Variants in DHRS2 observed in about 807,000 individuals in gnomAD.
DHRS2 encodes the protein dehydrogenase/reductase SDR family member 2, mitochondrial.
Under a neutral mutation model 26.3 loss-of-function variants are expected in DHRS2, and 29 were observed. The observed-to-expected ratio is 1.10, with a 90% CI of 0.82 to 1.50. The LOEUF is 1.50. Ranked by LOEUF, DHRS2 falls within the 40% of genes most tolerant of loss-of-function variation. The pLI is 0.00. For missense variants in DHRS2, 439 were observed against 367.1 expected, an observed-to-expected ratio of 1.20 and a Z score of -1.60; for synonymous variants, 164 against 151.3, an observed-to-expected ratio of 1.08 and a Z score of -0.62.
chr14:23,645,367 TG>T lies in DHRS2; in HGVS notation c.*119del. The T allele has an allele frequency of 6.3e-7, 1 of 1,590,730 alleles. No homozygotes were observed. The highest frequency in any genetic ancestry group is 8.5e-7 in the Non-Finnish European group (1 of 1,171,746). On this transcript the variant is annotated 3_prime_UTR_variant, in exon 9 of 9. Transcript: ENST00000250383. ...CTGCCATTCTGCCAGACTAGCAATT[TG>T]GGGGCTTACTCATGCTAGGCTTGAG...
intron 4 of DHRS2, chr14:23,641,183 A>G (rs1283202166): frequency 6.2e-6 from 1 of 160,542 alleles, no homozygotes; most frequent in Admixed American, 5.9e-5. Flanking sequence ...TTTAGAATTT[A>G]CCAGATGCTC....
At chr14:23,639,722 T>A in intron 3 of DHRS2, 72 bp from the exon 4 acceptor site, 2 of 1,468,688 alleles carry the variant, frequency 1.4e-6, no homozygotes, top group Non-Finnish European at 1.8e-6. Flanking sequence ...GAAGGCCTTA[T>A]GACCTGGGCT....
Position 23,639,874 on chromosome 14 carries a change from C to T in DHRS2, c.399C>T (p.Thr133=). Residue 133 remains threonine (T), a synonymous_variant, in exon 4 of 9, where the codon ACC becomes ACT. Coordinates refer to ENST00000250383, the MANE Select transcript of DHRS2 (RefSeq NM_005794.4). ...CTCTGGTAGGGAGCACTCTGGGGAC[C>T]AGTGAGCAGATCTGGGACAAGGTGA... ...VNPLVGSTLG[T]SEQIWDKILS... 3.1e-6 allele frequency: 5 copies of T among 1,607,028 alleles called. No homozygotes were observed. The highest frequency in any genetic ancestry group is 4.2e-6 in the Non-Finnish European group (5 of 1,176,530).
chr14:23,644,281 T>C, intron 6 of DHRS2, 119 bp downstream of exon 6: 1 of 1,556,240 alleles, frequency 6.4e-7, no homozygotes, highest in Non-Finnish European at 8.8e-7. Context: ...CCTGCTGCCC[T>C]GGGCTGAGCT....
rs776486354 is a variant in DHRS2 at position 23,643,217 on chromosome 14, C to G, written c.486C>G (p.Asn162Lys). Residue 162 changes from asparagine to lysine, a missense_variant and splice_region_variant, in exon 5 of 9, where the codon AAC (asparagine) becomes AAG (lysine). Coordinates refer to ENST00000250383, the MANE Select transcript of DHRS2 (RefSeq NM_005794.4). ...GCCAGTTGCTGCCCTACATGGAGAA[C>G]AGGTATGGCAGGGCGGGGGTGGGGA... The part of the protein sequence containing the change: ...LLSQLLPYME[N>K]RRGAVILVSS... The G allele has an allele frequency of 2.5e-6, 4 of 1,613,904 alleles. No homozygotes were observed. The South Asian group carries it at 4.4e-5, about 18-fold the overall frequency.
chr14:23,644,238 G>C (rs1412361471), intron 6 of DHRS2, 76 bp downstream of exon 6: 1 of 1,583,474 alleles, frequency 6.3e-7, no homozygotes, highest in African/African-American at 1.3e-5. Flanking sequence ...GAGCCTTACA[G>C]ACAAAGTGCC....
chr14:23,644,548 G>A lies in DHRS2; in HGVS notation c.675+5G>A, dbSNP rs763470602. On this transcript the variant is annotated splice_donor_5th_base_variant and intron_variant, in intron 7 of 8. Transcript: ENST00000250383. ...AAAACTGACTTCAGCAAAGTGGTGAGGATTGGGTGTGTCTTCCATCTCCCA... is the reference window on the plus strand; with the variant it reads ...AAAACTGACTTCAGCAAAGTGGTGAAGATTGGGTGTGTCTTCCATCTCCCA... The A allele has an allele frequency of 2.5e-6, 4 of 1,614,114 alleles. No homozygotes were observed. The highest frequency in any genetic ancestry group is 3.4e-6 in the Non-Finnish European group (4 of 1,180,058).
chr14:23,641,967 G>A, intron 4 of DHRS2: 1 of 1,139,960 alleles, frequency 8.8e-7, no homozygotes, highest in South Asian at 1.9e-5. Context: ...ACCTGGCACT[G>A]CCCTAGCTCC....
At position 23,638,838 on chromosome 14, in the gene DHRS2, C is replaced by T. The variant is rs1332142924; in HGVS notation, c.-27C>T. On this transcript the variant is annotated 5_prime_UTR_variant, in exon 2 of 9. Transcript: ENST00000250383. ...ATTCTTTCCCCCAGGCCTGATTCAGCAGGAAGCATCTCAGACACCAACCAC... is the reference window on the plus strand; with the variant it reads ...ATTCTTTCCCCCAGGCCTGATTCAGTAGGAAGCATCTCAGACACCAACCAC... 1.2e-6 allele frequency: 2 copies of T among 1,607,190 alleles called. No individual in the cohort carries two copies. The highest frequency in any genetic ancestry group is 1.3e-5 in the African/African-American group (1 of 74,844).
intron 4 of DHRS2, chr14:23,641,525 A>G: frequency 9.0e-7 from 1 of 1,106,258 alleles, no homozygotes; most frequent in Non-Finnish European, 1.2e-6. Context: ...TTTGTTCCTG[A>G]GTCCAGGAGG....
chr14:23,639,373 T>C lies in DHRS2; in HGVS notation c.318+17T>C. 6.4e-7 allele frequency: 1 copy of C among 1,554,530 alleles called. No homozygotes were observed. The highest frequency in any genetic ancestry group is 8.7e-7 in the Non-Finnish European group (1 of 1,152,704). Reference sequence around the variant, plus strand: ...GTGGCCAAGGTGAGGGGGCAGGCGGTGGAAGGACACAGAGAGGGGAACATG... The same window carrying C: ...GTGGCCAAGGTGAGGGGGCAGGCGGCGGAAGGACACAGAGAGGGGAACATG... On this transcript the variant is annotated intron_variant, in intron 3 of 8. Transcript: ENST00000250383.
Position 23,638,975 on chromosome 14 carries a change from G to A in DHRS2, c.111G>A (p.Arg37=). ...GIDRKGVLAN[R]VAVVTGSTSG... is the part of the protein sequence containing the mutation. The stretch of plus-strand genomic sequence containing the variant: ...ACAGGAAGGGCGTCCTGGCTAACCG[G>A]GTAGCCGTGGTCACGGGGTCCACCA... Residue 37 remains arginine, a synonymous_variant, in exon 2 of 9, where the codon CGG becomes CGA. Coordinates refer to ENST00000250383, the MANE Select transcript of DHRS2 (RefSeq NM_005794.4). The A allele has an allele frequency of 1.2e-6, 2 of 1,613,742 alleles. No individual in the cohort carries two copies.
Position 23,643,177 on chromosome 14 carries a change from C to A in DHRS2, c.446C>A (p.Pro149Gln), listed in dbSNP as rs750006582. Residue 149 changes from proline (P) to glutamine (Q), a missense_variant, in exon 5 of 9, where the codon CCA becomes CAA. By Grantham distance (76) the Pro-to-Gln change is moderately conservative. Transcript: ENST00000250383. ...DKILSVNVKS[P>Q]ALLLSQLLPY... is the part of the protein sequence containing the mutation. ...ATCCTAAGTGTGAACGTGAAGTCCC[C>A]AGCCCTGCTGCTGAGCCAGTTGCTG... 1.2e-6 allele frequency: 2 copies of A among 1,614,090 alleles called. No homozygotes were observed. Among genetic ancestry groups the A allele is most frequent in the Admixed American group, 3.3e-5 (2 of 60,022 alleles).
chr14:23,637,166 G>C (rs757794135), intron 1 of DHRS2, among the ~76,000 whole-genome samples: 1 of 152,132 alleles, frequency 6.6e-6, no homozygotes, highest in African/African-American at 2.4e-5. Flanking sequence ...GGGTCCTAAT[G>C]CCTGCCAGAC....
chr14:23,641,633 C>T (rs999541691), intron 4 of DHRS2: 4 of 1,289,648 alleles, frequency 3.1e-6, no homozygotes, highest in Admixed American at 4.6e-5. Flanking sequence ...GAAACCCTTA[C>T]AGCTAACCTA....
intron 4 of DHRS2, chr14:23,640,367 C>G: frequency 1.0e-6 from 1 of 985,502 alleles, no homozygotes; most frequent in Non-Finnish European, 1.2e-6. Flanking sequence ...GAGTCCCACA[C>G]AAACTTGCCG....
chr14:23,644,778 C>T (rs1739837997), intron 7 of DHRS2, 49 bp from the exon 8 acceptor site: 1 of 1,603,310 alleles, frequency 6.2e-7, no homozygotes, highest in South Asian at 1.1e-5. Flanking sequence ...GGGGCCCTGC[C>T]CATCTTGTTT....
Position 23,639,321 on chromosome 14 carries a change from G to A in DHRS2, c.283G>A (p.Gly95Arg), listed in dbSNP as rs141370810. ...LSVAGIVCHV[G>R]KAEDREQLVA... ...TGTGGCGGGCATTGTGTGCCACGTG[G>A]GGAAGGCTGAGGACCGGGAGCAGCT... The change falls in exon 3 of 9, where the codon GGG becomes AGG. Residue 95 changes from glycine to arginine, a missense_variant. Transcript: ENST00000250383. The A allele has an allele frequency of 5.2e-3, 8,198 of 1,586,920 alleles. 29 individuals carry two copies. Among genetic ancestry groups the A allele is most frequent in the Non-Finnish European group, 6.4e-3 (7,427 of 1,167,110 alleles).
chr14:23,642,862 C>G (rs1890724172), intron 4 of DHRS2: 1 of 295,424 alleles, frequency 3.4e-6, no homozygotes, highest in African/African-American at 2.2e-5. Flanking sequence ...CCCACTGCCC[C>G]CAGTCCCCAT....
Sources: allele counts gnomAD v4.1 joint callset (sites outside exome capture counted in the v4.1 genomes callset), GRCh38; gene constraint gnomAD v4.1.1; transcripts MANE v1.5; gene names NCBI Gene and HGNC (gene_info 2026-07-23, HGNC 2026-07-21).